Variants in ARL16 observed in about 807,000 individuals in gnomAD.
ARL16 encodes ARF like GTPase 16.
In ARL16, 21 loss-of-function variants were observed where a neutral mutation model predicts 14.1. The ratio of observed to expected loss-of-function variants is 1.48; its 90% CI spans 1.05 to 2.14. The LOEUF (loss-of-function observed/expected upper bound fraction) is 2.14, where lower values mean the gene tolerates loss of function less well. Ranked by LOEUF, ARL16 falls within the 30% of genes most tolerant of loss-of-function variation. ARL16 has a pLI of 0.00. For missense variants in ARL16, 248 were observed against 222.0 expected, an observed-to-expected ratio of 1.12 and a Z score of -0.74; for synonymous variants, 122 against 91.8, an observed-to-expected ratio of 1.33 and a Z score of -1.88.
At chr17:81,682,193 C>T (rs1248095786) in intron 3 of ARL16, 44 bp from the exon 4 acceptor site, 12 of 1,455,904 alleles carry the variant, frequency 8.2e-6, no homozygotes, top group Non-Finnish European at 1.0e-5. Context: ...CGCTGCCAAA[C>T]TTCCTCCCCT....
At chr17:81,682,779 G>GC in intron 3 of ARL16, 1 of 568,398 alleles carries the variant, frequency 1.8e-6, no homozygotes, top group Non-Finnish European at 3.1e-6. Flanking sequence ...CGGAGCAGCA[G>GC]CCCTGCCCTC....
intron 2 of ARL16, 145 bp from the exon 3 acceptor site, chr17:81,683,271 G>A (rs766249065): frequency 1.2e-5 from 10 of 865,946 alleles, no homozygotes; most frequent in Non-Finnish European, 1.8e-5. Flanking sequence ...AGCAGGGACC[G>A]ACGCCCATCA....
At position 81,683,610 on chromosome 17, in the gene ARL16, G is replaced by A. The variant is rs767643532; in HGVS notation, c.62-16C>T. ...GAGCTCACCTGTGCGAAGCGGTCAA[G>A]GACCCGAGCAGCTAAAGGGTGAGTC... On this transcript the variant is annotated splice_polypyrimidine_tract_variant and intron_variant, in intron 1 of 4. Coordinates refer to ENST00000622299, the MANE Select transcript of ARL16 (RefSeq NM_001040025.3). The A allele has an allele frequency of 1.3e-6, 2 of 1,598,454 alleles. No homozygotes were observed. Among genetic ancestry groups the A allele is most frequent in the Admixed American group, 1.7e-5 (1 of 58,482 alleles).
rs746964801 is a variant in ARL16 at position 81,683,721 on chromosome 17, C to T, written c.33G>A (p.Gly11=). The T allele has an allele frequency of 1.9e-6, 3 of 1,607,368 alleles. No individual in the cohort carries two copies. The highest frequency in any genetic ancestry group is 2.5e-6 in the Non-Finnish European group (3 of 1,178,142). The change falls in exon 1 of 5, where the codon GGG becomes GGA. Residue 11 remains glycine, a synonymous_variant. Coordinates refer to ENST00000622299, the MANE Select transcript of ARL16 (RefSeq NM_001040025.3). MCLLLGATGV[G]KTLLVKRLQE... The stretch of plus-strand genomic sequence containing the variant: ...GCAGCCGTTTCACCAGCAGCGTCTT[C>T]CCGACGCCCGTGGCCCCCAGCAGGA...
intron 3 of ARL16, 131 bp from the exon 4 acceptor site, chr17:81,682,280 C>G (rs2036864329): frequency 1.5e-6 from 1 of 665,676 alleles, no homozygotes; most frequent in African/African-American, 1.9e-5. Flanking sequence ...GACGAAGTCT[C>G]GCTCCGAGTG....
chr17:81,681,914 C>A, intron 4 of ARL16, 35 bp from the exon 5 acceptor site: 1 of 1,595,592 alleles, frequency 6.3e-7, no homozygotes, highest in Non-Finnish European at 8.5e-7. Context: ...AGAGCAGTGG[C>A]AGCCACACAC....
chr17:81,681,414 T>C lies in ARL16; in HGVS notation c.*294A>G. 1 of 279,486 alleles carries C rather than the reference T, an allele frequency of 3.6e-6. No individual in the cohort carries two copies. The highest frequency in any genetic ancestry group is 6.8e-6 in the Non-Finnish European group (1 of 146,112). 17.3% of individuals were successfully genotyped at this position (279,486 alleles called of 1,614,324 possible). ...CAGGGTTTCTCCATGTTGGTCAGGC[T>C]AGTCTCGAACTCCCGACCTCAGGTG... is the stretch of plus-strand genomic sequence containing the variant. On this transcript the variant is annotated 3_prime_UTR_variant, in exon 5 of 5. Transcript: ENST00000622299.
chr17:81,682,285 C>T (rs2036864479), intron 3 of ARL16, 136 bp from the exon 4 acceptor site: 3 of 634,328 alleles, frequency 4.7e-6, no homozygotes, highest in Admixed American at 3.5e-5. Flanking sequence ...AGTCTCGCTC[C>T]GAGTGCAGTG....
At chr17:81,683,173 C>A in intron 2 of ARL16, 47 bp from the exon 3 acceptor site, 1 of 1,527,384 alleles carries the variant, frequency 6.5e-7, no homozygotes, top group South Asian at 1.2e-5. Context: ...ACCGCTGTCC[C>A]GTTGTGAACT....
intron 3 of ARL16, 120 bp downstream of exon 3, chr17:81,682,893 G>C (rs749411142): frequency 1.1e-6 from 1 of 889,030 alleles, no homozygotes; most frequent in South Asian, 1.5e-5. Flanking sequence ...CTATTTCCAT[G>C]AGTAGTATAG....
chr17:81,683,478 T>G (rs1232120821), intron 2 of ARL16, 58 bp downstream of exon 2: 1 of 1,474,564 alleles, frequency 6.8e-7, no homozygotes, highest in East Asian at 2.4e-5. Flanking sequence ...AGCCCGGAGC[T>G]CTTCGCCAAG....
At chr17:81,682,589 A>C in intron 3 of ARL16, 1 of 190,568 alleles carries the variant, frequency 5.2e-6, no homozygotes. Context: ...AGCAGAGGGA[A>C]TCGAGTTTTA....
Position 81,682,126 on chromosome 17 carries a change from G to A in ARL16, c.258C>T (p.Pro86=), listed in dbSNP as rs1224436035. The change falls in exon 4 of 5, where the codon CCC becomes CCT. Residue 86 remains proline (P), a synonymous_variant. Coordinates refer to ENST00000622299, the MANE Select transcript of ARL16 (RefSeq NM_001040025.3). The stretch of plus-strand genomic sequence containing the variant: ...GCACACAGGATGCAGAGAGCTGGGT[G>A]GGGTCAGAGGCGTCCATCACAAACT... ...SLLFVMDASD[P]TQLSASCVQL... 6.2e-7 allele frequency: 1 copy of A among 1,606,910 alleles called. No individual in the cohort carries two copies. The highest frequency in any genetic ancestry group is 8.5e-7 in the Non-Finnish European group (1 of 1,177,736).
rs1244647556 is a variant in ARL16, at chr17:81,681,402, T to C, written c.*306A>G. ...TTTTAGTAGAGACAGGGTTTCTCCA[T>C]GTTGGTCAGGCTAGTCTCGAACTCC... On this transcript the variant is annotated 3_prime_UTR_variant, in exon 5 of 5. Coordinates refer to ENST00000622299, the MANE Select transcript of ARL16 (RefSeq NM_001040025.3). 3.5e-5 allele frequency: 8 copies of C among 229,474 alleles called. No homozygotes were observed. Among genetic ancestry groups the C allele is most frequent in the Admixed American group, 2.2e-4 (4 of 18,520 alleles). 14.2% of individuals were successfully genotyped at this position (229,474 alleles called of 1,614,324 possible). A position where few individuals can be genotyped will look rare whatever the true frequency, so the allele number is the denominator to read the frequency against.
intron 3 of ARL16, 22 bp from the exon 4 acceptor site, chr17:81,682,171 G>A (rs1423376179): frequency 1.4e-5 from 22 of 1,562,666 alleles, no homozygotes; most frequent in Non-Finnish European, 1.9e-5. Context: ...GAAAAAGACA[G>A]CAGCAATGCC....
chr17:81,683,123 C>T lies in ARL16; in HGVS notation c.124G>A (p.Gly42Ser), dbSNP rs747199147. ...GCCACGATGTCAGTAAGATTGGTGC[C>T]CACCTATAGGAAAAACCACGATGCA... ...GEPPPTRPTV[G>S]TNLTDIVAQR... The change falls in exon 3 of 5, where the codon GGC becomes AGC. Residue 42 changes from glycine (G) to serine (S), a missense_variant. Gly to Ser is a moderately conservative substitution (Grantham distance 56). Coordinates refer to ENST00000622299, the MANE Select transcript of ARL16 (RefSeq NM_001040025.3). The T allele has an allele frequency of 1.2e-6, 2 of 1,606,290 alleles. No individual in the cohort carries two copies. The highest frequency in any genetic ancestry group is 2.2e-5 in the East Asian group (1 of 44,858).
In ARL16 at chr17:81,681,401, A is replaced by G. The variant is rs1484701734; in HGVS notation, c.*307T>C. 3 of 228,866 alleles carry G rather than the reference A, an allele frequency of 1.3e-5. No individual in the cohort carries two copies. The highest frequency in any genetic ancestry group is 8.6e-6 in the Non-Finnish European group (1 of 115,620). The allele number at this position is 228,866 out of a possible 1,614,324, so 14.2% of individuals were successfully genotyped here. ...TTTTTAGTAGAGACAGGGTTTCTCC[A>G]TGTTGGTCAGGCTAGTCTCGAACTC... On this transcript the variant is annotated 3_prime_UTR_variant, in exon 5 of 5. Transcript: ENST00000622299.
chr17:81,683,613 C>A lies in ARL16; in HGVS notation c.62-19G>T. On this transcript the variant is annotated intron_variant, in intron 1 of 4. Transcript: ENST00000622299. The stretch of plus-strand genomic sequence containing the variant: ...CTCACCTGTGCGAAGCGGTCAAGGA[C>A]CCGAGCAGCTAAAGGGTGAGTCCCC... 6.3e-7 allele frequency: 1 copy of A among 1,597,534 alleles called. No homozygotes were observed. The highest frequency in any genetic ancestry group is 2.3e-5 in the East Asian group (1 of 44,410).
At position 81,683,773 on chromosome 17, in the gene ARL16, G is replaced by T. The variant is rs775833125; in HGVS notation, c.-20C>A. On this transcript the variant is annotated 5_prime_UTR_variant, in exon 1 of 5. Coordinates refer to ENST00000622299, the MANE Select transcript of ARL16 (RefSeq NM_001040025.3). ...ACACATTCCGTGCTTCGCTCCACCC[G>T]GCACCCGTAGCTCGGCGCCGCGGCT... 20 of 1,606,592 alleles carry T rather than the reference G, an allele frequency of 1.2e-5. No homozygotes were observed. Among genetic ancestry groups the T allele is most frequent in the Non-Finnish European group, 1.7e-5 (20 of 1,179,434 alleles).
Sources: gnomAD v4.1 joint callset for allele counts on GRCh38, gnomAD v4.1.1 for gene constraint, MANE v1.5 for transcripts, NCBI Gene and HGNC (gene_info 2026-07-23, HGNC 2026-07-21) for gene names.